The following MACROD2 variants were observed in gnomAD, a reference collection of about 807,000 sequenced individuals.
MACROD2 encodes the protein mono-ADP ribosylhydrolase 2, also known as ADP-ribose glycohydrolase MACROD2.
MACROD2 carries 36 observed loss-of-function variants against 70.4 expected under a neutral mutation model. The observed-to-expected ratio is 0.51, with a 90% CI of 0.39 to 0.68. The LOEUF (loss-of-function observed/expected upper bound fraction) is 0.68. Ranked by LOEUF, MACROD2 falls within the 30% of genes least tolerant of loss-of-function variation. The probability of loss-of-function intolerance (pLI) is 0.00; values close to 1 mark genes in which losing one functional copy is unlikely to be tolerated. For missense variants in MACROD2, 496 were observed against 538.4 expected, an observed-to-expected ratio of 0.92 and a Z score of 0.78; for synonymous variants, 172 against 178.8, an observed-to-expected ratio of 0.96 and a Z score of 0.30.
At chr20:15,172,451 G>A (rs1304958201) in intron 5 of MACROD2, among the ~76,000 whole-genome samples, 1 of 152,174 alleles carries the variant, frequency 6.6e-6, no homozygotes, top group Non-Finnish European at 1.5e-5. Context: ...CAGTTGTGCA[G>A]TCATAGCTCA....
intron 3 of MACROD2, among the ~76,000 whole-genome samples, chr20:14,173,371 T>C (rs2081238836): frequency 6.6e-6 from 1 of 152,184 alleles, no homozygotes; most frequent in Admixed American, 6.5e-5. Context: ...CTCTTTGATC[T>C]CTGAAGTTCT....
At chr20:14,257,444 G>A (rs1355868383) in intron 3 of MACROD2, among the ~76,000 whole-genome samples, 2 of 151,962 alleles carry the variant, frequency 1.3e-5, no homozygotes, top group Non-Finnish European at 2.9e-5. Flanking sequence ...TTTATATATA[G>A]TTACCAGGTT....
chr20:15,966,985 G>A (rs1430272314), intron 12 of MACROD2, among the ~76,000 whole-genome samples: 2 of 152,080 alleles, frequency 1.3e-5, no homozygotes, highest in Non-Finnish European at 2.9e-5. Context: ...AAAGATAAGT[G>A]TACAACGATT....
chr20:14,404,393 G>A (rs2083670804), intron 3 of MACROD2, among the ~76,000 whole-genome samples: 1 of 152,152 alleles, frequency 6.6e-6, no homozygotes, highest in African/African-American at 2.4e-5. Context: ...TTGGAAGGCT[G>A]AGGTCGGCAG....
At chr20:14,232,638 G>A (rs1381643401) in intron 3 of MACROD2, among the ~76,000 whole-genome samples, 1 of 152,176 alleles carries the variant, frequency 6.6e-6, no homozygotes, top group Admixed American at 6.5e-5. Context: ...AAGAGACTTC[G>A]GGCTTTGTTC....
rs531045052 is a variant in MACROD2 at position 15,217,613 on chromosome 20, C to T, written c.419-12327C>T. 1.2e-3 allele frequency among the ~76,000 whole-genome samples: 181 copies of T among 152,138 alleles called. 2 individuals carry two copies. Among genetic ancestry groups the T allele is most frequent in the Non-Finnish European group, 2.1e-3 (143 of 67,998 alleles). ...TACCAAATCTTCCCATTTTTACTGC[C>T]GCTAATTTCTTTCATTATAGTGCCT... On this transcript the variant is annotated intron_variant, in intron 5 of 17. Coordinates refer to ENST00000684519, the MANE Select transcript of MACROD2 (RefSeq NM_001351661.2).
chr20:15,166,278 T>C (rs1380932185), intron 5 of MACROD2, among the ~76,000 whole-genome samples: 1 of 152,198 alleles, frequency 6.6e-6, no homozygotes, highest in Non-Finnish European at 1.5e-5. Context: ...GTATTAGGAA[T>C]TAAAGCCTTT....
intron 5 of MACROD2, among the ~76,000 whole-genome samples, chr20:14,781,982 G>A (rs771207922): frequency 6.6e-6 from 1 of 151,768 alleles, no homozygotes; most frequent in Non-Finnish European, 1.5e-5. Flanking sequence ...CTGGAGTGCA[G>A]TGGTGATCTC....
intron 8 of MACROD2, among the ~76,000 whole-genome samples, chr20:15,609,614 C>T (rs986367756): frequency 3.9e-5 from 6 of 152,234 alleles, no homozygotes; most frequent in African/African-American, 1.4e-4. Flanking sequence ...TGTACCACCA[C>T]ATGCAAGCTC....
At chr20:15,738,305 G>A (rs1022298847) in intron 8 of MACROD2, among the ~76,000 whole-genome samples, 4 of 151,936 alleles carry the variant, frequency 2.6e-5, no homozygotes, top group South Asian at 2.1e-4. Context: ...CATATACCCC[G>A]TAAATAAATA....
chr20:14,090,244 A>C (rs761567390), intron 3 of MACROD2, among the ~76,000 whole-genome samples: 1 of 152,196 alleles, frequency 6.6e-6, no homozygotes, highest in Non-Finnish European at 1.5e-5. Flanking sequence ...CCACCACCAC[A>C]ATCTAGATAC....
chr20:15,963,174 G>A (rs1017504766), intron 12 of MACROD2, among the ~76,000 whole-genome samples: 8 of 152,152 alleles, frequency 5.3e-5, no homozygotes, highest in African/African-American at 1.9e-4. Flanking sequence ...CCAGGTGATG[G>A]TGTTTCTGTG....
intron 3 of MACROD2, among the ~76,000 whole-genome samples, chr20:14,411,247 G>A (rs1294442070): frequency 2.6e-5 from 4 of 151,864 alleles, no homozygotes; most frequent in African/African-American, 9.7e-5. Context: ...TTTCTTAAGG[G>A]TTAAAAAAAG....
At chr20:14,269,599 G>T (rs1347623855) in intron 3 of MACROD2, among the ~76,000 whole-genome samples, 1 of 152,032 alleles carries the variant, frequency 6.6e-6, no homozygotes, top group Non-Finnish European at 1.5e-5. Context: ...TGTTATATTT[G>T]ATTTTCAGGA....
chr20:14,142,126 A>T (rs1372665088), intron 3 of MACROD2, among the ~76,000 whole-genome samples: 2 of 152,196 alleles, frequency 1.3e-5, no homozygotes, highest in Non-Finnish European at 2.9e-5. Context: ...TAGCATTTAT[A>T]TTATATAAAA....
intron 8 of MACROD2, among the ~76,000 whole-genome samples, chr20:15,698,848 T>G (rs1404461707): frequency 1.3e-5 from 2 of 152,194 alleles, no homozygotes; most frequent in East Asian, 3.9e-4. Context: ...GATTTCTTTC[T>G]TCTACTTGTT....
intron 8 of MACROD2, among the ~76,000 whole-genome samples, chr20:15,835,663 T>A (rs1263965336): frequency 6.6e-6 from 1 of 152,144 alleles, no homozygotes; most frequent in African/African-American, 2.4e-5. Flanking sequence ...TATATCTACA[T>A]GTATGTGAAA....
Position 13,995,932 on chromosome 20 carries a change from C to A in MACROD2, c.46+123C>A. The A allele has an allele frequency of 8.9e-7, 1 of 1,121,808 alleles. No homozygotes were observed. Among genetic ancestry groups the A allele is most frequent in the Non-Finnish European group, 1.3e-6 (1 of 770,510 alleles). The allele number at this position is 1,121,808 out of a possible 1,614,324, so 69.5% of individuals were successfully genotyped here. The stretch of plus-strand genomic sequence containing the variant: ...CCGCCTCGCGCCCTCCCGGCCGGTG[C>A]CGCCTCCCTCCGGTGTCCGTGTGTA... On this transcript the variant is annotated intron_variant, in intron 1 of 17. Transcript: ENST00000684519. This position sits in a 1 kb window ranked among gnomAD's most constrained non-coding sequence, Gnocchi z 4.3.
chr20:14,747,894 C>T (rs539160876), intron 5 of MACROD2, among the ~76,000 whole-genome samples: 1 of 152,170 alleles, frequency 6.6e-6, no homozygotes, highest in African/African-American at 2.4e-5. Context: ...ACAGTATCCA[C>T]GTGTAATAAA....
Sources: allele counts gnomAD v4.1 joint callset (sites outside exome capture counted in the v4.1 genomes callset), GRCh38; gene constraint gnomAD v4.1.1; non-coding constraint Gnocchi (gnomAD v3.1); transcripts MANE v1.5; gene names NCBI Gene and HGNC (gene_info 2026-07-23, HGNC 2026-07-21).